The following MYO3B variants were observed in gnomAD, a reference collection of about 807,000 sequenced individuals.
The protein encoded by MYO3B is myosin IIIB, also known as myosin-IIIb.
In MYO3B, 156 loss-of-function variants were observed where a neutral mutation model predicts 174.6. That is an observed-to-expected ratio of 0.89 (90% CI 0.78 to 1.02). The LOEUF (loss-of-function observed/expected upper bound fraction) is 1.02, where lower values mean the gene tolerates loss of function less well. Among genes scored for constraint, MYO3B ranks in the 50% least tolerant of loss-of-function variants. The pLI, the probability that MYO3B is intolerant of heterozygous loss-of-function variation, is 0.00. For synonymous variants in MYO3B, 563 were observed against 569.1 expected (o/e 0.99, Z 0.15); for missense variants, 1,632 against 1,639.4 (o/e 1.00, Z 0.08).
intron 32 of MYO3B, among the ~76,000 whole-genome samples, chr2:170,646,351 G>A (rs924749765): frequency 3.3e-5 from 5 of 151,454 alleles, no homozygotes; most frequent in Non-Finnish European, 7.4e-5. Flanking sequence ...TCATTGCAAC[G>A]TATTCCTTGG....
At chr2:170,357,962 G>A (rs1450828340) in intron 8 of MYO3B, among the ~76,000 whole-genome samples, 1 of 152,138 alleles carries the variant, frequency 6.6e-6, no homozygotes, top group Non-Finnish European at 1.5e-5. Context: ...AGACCAGGCT[G>A]ACCAACATGG....
chr2:170,404,506 G>T lies in MYO3B; in HGVS notation c.2431+106G>T. On this transcript the variant is annotated intron_variant, in intron 20 of 34. Coordinates refer to ENST00000408978, the MANE Select transcript of MYO3B (RefSeq NM_138995.5). The stretch of plus-strand genomic sequence containing the variant: ...TTTACCTTACATATTTTGTTTATAT[G>T]GTGGTTTGTAAGAATATAGGCCTTC... 2.5e-6 allele frequency: 3 copies of T among 1,209,190 alleles called. No individual in the cohort carries two copies. The South Asian group carries it at 5.2e-5, about 21-fold the overall frequency. 74.9% of individuals were successfully genotyped at this position (1,209,190 alleles called of 1,614,324 possible).
chr2:170,608,648 G>C (rs1694963077), intron 32 of MYO3B, among the ~76,000 whole-genome samples: 5 of 151,868 alleles, frequency 3.3e-5, no homozygotes, highest in Admixed American at 6.6e-5. Context: ...GTATGCTTCA[G>C]CTGGCTTATT....
intron 8 of MYO3B, chr2:170,350,705 C>A (rs6724155): frequency 6.6e-6 from 1 of 152,040 alleles, no homozygotes; most frequent in African/African-American, 2.4e-5. Context: ...ATTAGGGGCA[C>A]GTCTCACAGA....
intron 28 of MYO3B, among the ~76,000 whole-genome samples, chr2:170,502,385 ATCAC>A (rs1191728846): frequency 6.6e-6 from 1 of 152,238 alleles, no homozygotes; most frequent in African/African-American, 2.4e-5. Context: ...CAGAGGAGGA[ATCAC>A]TCAGGGAGTT....
At chr2:170,602,118 G>A in intron 32 of MYO3B, 1 of 1,220,708 alleles carries the variant, frequency 8.2e-7, no homozygotes, top group Non-Finnish European at 1.2e-6. Context: ...ACTCTGAGAA[G>A]TTGACTGAGG....
chr2:170,234,175 AAAAAAAAAAAAAC>A (rs2093044025), intron 6 of MYO3B, among the ~76,000 whole-genome samples: 1 of 71,796 alleles, frequency 1.4e-5, no homozygotes, highest in South Asian at 3.4e-4. Context: ...CGTCTCAAAA[AAAAAAAAAAAAAC>A]AAAACAAAAC....
chr2:170,300,199 G>A (rs113863450), intron 7 of MYO3B, among the ~76,000 whole-genome samples: 1 of 152,138 alleles, frequency 6.6e-6, no homozygotes, highest in African/African-American at 2.4e-5. Context: ...TATATGAGCT[G>A]CTTTGGCCAA....
At chr2:170,240,892 C>G (rs2093123912) in intron 7 of MYO3B, among the ~76,000 whole-genome samples, 1 of 152,146 alleles carries the variant, frequency 6.6e-6, no homozygotes. Flanking sequence ...AAAGGAACTG[C>G]TTTTTAGTTC....
intron 25 of MYO3B, among the ~76,000 whole-genome samples, chr2:170,479,882 C>T (rs566167275): frequency 6.8e-6 from 1 of 147,836 alleles, no homozygotes; most frequent in Non-Finnish European, 1.5e-5. Flanking sequence ...TATATATGCA[C>T]ACATATTTAT....
At chr2:170,596,764 C>G (rs1430126925) in intron 32 of MYO3B, among the ~76,000 whole-genome samples, 1 of 152,156 alleles carries the variant, frequency 6.6e-6, no homozygotes, top group African/African-American at 2.4e-5. Flanking sequence ...TAGAAAGCAA[C>G]CTCCAAGCTG....
At chr2:170,516,576 G>A (rs1190923766) in intron 29 of MYO3B, among the ~76,000 whole-genome samples, 1 of 150,474 alleles carries the variant, frequency 6.6e-6, no homozygotes, top group Non-Finnish European at 1.5e-5. Context: ...CCGTGAGGCA[G>A]AGCTTGCAGT....
chr2:170,489,348 T>A (rs147281765), intron 25 of MYO3B, among the ~76,000 whole-genome samples: 21 of 152,262 alleles, frequency 1.4e-4, no homozygotes, highest in Admixed American at 5.9e-4. Flanking sequence ...AGGGAAGATC[T>A]GTTTGTGAAT....
chr2:170,506,562 G>A (rs553905391), intron 28 of MYO3B, among the ~76,000 whole-genome samples: 2 of 152,270 alleles, frequency 1.3e-5, no homozygotes, highest in African/African-American at 4.8e-5. Context: ...TTAATTTGGG[G>A]CTTCAAATTA....
intron 29 of MYO3B, among the ~76,000 whole-genome samples, chr2:170,518,150 T>G (rs1001293621): frequency 2.0e-5 from 3 of 152,212 alleles, no homozygotes; most frequent in African/African-American, 7.2e-5. Context: ...AAGAAATATT[T>G]ATGCTGAGGA....
intron 32 of MYO3B, among the ~76,000 whole-genome samples, chr2:170,631,320 T>C (rs926512196): frequency 6.6e-6 from 1 of 151,532 alleles, no homozygotes; most frequent in Middle Eastern, 3.2e-3. Context: ...ATCAAATGAA[T>C]GAAATGAAGT....
At chr2:170,555,082 TA>T (rs1691192009) in intron 32 of MYO3B, among the ~76,000 whole-genome samples, 1 of 151,084 alleles carries the variant, frequency 6.6e-6, no homozygotes, top group East Asian at 1.9e-4. Context: ...TTGAGAATAA[TA>T]AATTTGTTTG....
chr2:170,491,354 G>T (rs1191258845), intron 25 of MYO3B, among the ~76,000 whole-genome samples: 2 of 152,052 alleles, frequency 1.3e-5, no homozygotes, highest in Non-Finnish European at 2.9e-5. Flanking sequence ...ATATCTTTCT[G>T]TTGTTGATTT....
intron 7 of MYO3B, among the ~76,000 whole-genome samples, chr2:170,242,613 T>G (rs145652451): frequency 8.0e-4 from 122 of 152,292 alleles, no homozygotes; most frequent in African/African-American, 2.8e-3. Flanking sequence ...AAGGTTTCAT[T>G]TGGGGATCAG....
Sources: allele counts gnomAD v4.1 joint callset (sites outside exome capture counted in the v4.1 genomes callset), GRCh38; gene constraint gnomAD v4.1.1; transcripts MANE v1.5; gene names NCBI Gene and HGNC (gene_info 2026-07-23, HGNC 2026-07-21).